STS: variants seen among roughly 807,000 people sequenced by gnomAD.
The protein encoded by STS is steroid sulfatase.
A neutral mutation model predicts 26.8 loss-of-function variants in STS; 7 were observed. The observed-to-expected ratio is 0.26, with a 90% CI of 0.15 to 0.49. The LOEUF (loss-of-function observed/expected upper bound fraction) is 0.49, where lower values mean the gene tolerates loss of function less well. STS is among the 20% of genes least tolerant of loss of function. STS has a pLI of 0.98. For synonymous variants in STS, 199 were observed against 189.4 expected (o/e 1.05, Z -0.42); for missense variants, 434 against 465.6 (o/e 0.93, Z 0.63).
At chrX:7,166,857 A>G (rs1933361207) in intron 1 of STS, among the ~76,000 whole-genome samples, 1 of 112,187 alleles carries the variant, frequency 8.9e-6, no homozygotes, top group Admixed American at 9.5e-5. Flanking sequence ...GACATGACCC[A>G]TAGCTACTAC....
At chrX:7,345,668 T>G (rs761922331) in intron 10 of STS, among the ~76,000 whole-genome samples, 2 of 111,326 alleles carry the variant, frequency 1.8e-5, no homozygotes, top group Non-Finnish European at 3.8e-5. Flanking sequence ...GATGGGCTTT[T>G]GTTCCATTCC....
chrX:7,344,119 AG>A (rs1375364701), intron 10 of STS, among the ~76,000 whole-genome samples: 12 of 112,072 alleles, frequency 1.1e-4, no homozygotes, highest in Non-Finnish European at 2.1e-4. Flanking sequence ...TAGCTCTCAG[AG>A]GGTTCATGTG....
rs748174656 is a variant in STS, at chrX:7,325,368, A to G, written c.1111A>G (p.Ile371Val). ...GGKANNWEGG[I>V]RVPGILRWPR... ...AAAAGCAAACAACTGGGAAGGAGGT[A>G]TCCGGGTTCCAGGCATCCTTCGTTG... Residue 371 changes from isoleucine to valine, a missense_variant, in exon 9 of 11, where the codon ATC (isoleucine) becomes GTC (valine). Coordinates refer to ENST00000674429, the MANE Select transcript of STS (RefSeq NM_001320752.2). 6.0e-5 allele frequency: 72 copies of G among 1,209,440 alleles called. No homozygotes were observed. The highest frequency in any genetic ancestry group is 2.3e-4 in the Middle Eastern group (1 of 4,371).
In STS at chrX:7,212,788, A is replaced by AAT. The variant is rs768699401; in HGVS notation, c.-5+21781_-5+21782dup. Reference sequence around the variant, plus strand: ...GTACTTTAGTGAATTTGCTTGATTAAATTGTAATAATGAAATTAAATTTTA... The same window carrying AAT: ...GTACTTTAGTGAATTTGCTTGATTAAATATTGTAATAATGAAATTAAATTTTA... On this transcript the variant is annotated intron_variant, in intron 2 of 10. Coordinates refer to ENST00000674429, the MANE Select transcript of STS (RefSeq NM_001320752.2). Among the ~76,000 whole-genome samples, 251 of 112,450 alleles carry AAT rather than the reference A, an allele frequency of 2.2e-3. 1 individual carries two copies. The highest frequency in any genetic ancestry group is 7.9e-3 in the African/African-American group (245 of 30,982).
At chrX:7,164,397 G>A (rs1488814267) in intron 1 of STS, among the ~76,000 whole-genome samples, 1 of 111,224 alleles carries the variant, frequency 9.0e-6, no homozygotes, top group Non-Finnish European at 1.9e-5. Context: ...GTGCTTCTGT[G>A]TGTCCTCGGA....
intron 9 of STS, among the ~76,000 whole-genome samples, chrX:7,329,256 A>G (rs1254580638): frequency 8.9e-6 from 1 of 112,208 alleles, no homozygotes; most frequent in East Asian, 2.8e-4. Context: ...CCCAGGGGTC[A>G]CTTATCAATG....
intron 1 of STS, among the ~76,000 whole-genome samples, chrX:7,165,880 T>C (rs1386294036): frequency 9.0e-6 from 1 of 111,443 alleles, no homozygotes; most frequent in African/African-American, 3.3e-5. Context: ...GGGGGTCAAA[T>C]TGGGCCCTGG....
intron 7 of STS, among the ~76,000 whole-genome samples, chrX:7,291,765 T>G (rs1457124564): frequency 8.9e-6 from 1 of 112,082 alleles, no homozygotes; most frequent in Non-Finnish European, 1.9e-5. Context: ...AAATTGTTAG[T>G]GAAAGAACAT....
At position 7,304,024 on chromosome X, in the gene STS, G is replaced by A. The variant is rs184377052; in HGVS notation, c.944-1022G>A. Among the ~76,000 whole-genome samples, 485 of 110,783 alleles carry A rather than the reference G, an allele frequency of 4.4e-3. 1 individual carries two copies. Among genetic ancestry groups the A allele is most frequent in the Admixed American group, 7.5e-3 (77 of 10,317 alleles). On this transcript the variant is annotated intron_variant, in intron 7 of 10. Coordinates refer to ENST00000674429, the MANE Select transcript of STS (RefSeq NM_001320752.2). ...TCCTCACCACCTCCATTTCATCTACGGGTATTTCAGGATATATCTCTACAA... is the reference window on the plus strand; with the variant it reads ...TCCTCACCACCTCCATTTCATCTACAGGTATTTCAGGATATATCTCTACAA...
At chrX:7,230,266 G>T (rs1318000862) in intron 2 of STS, among the ~76,000 whole-genome samples, 2 of 111,223 alleles carry the variant, frequency 1.8e-5, no homozygotes, top group East Asian at 5.6e-4. Flanking sequence ...AATGTGAAGT[G>T]GTTCAACCAC....
intron 7 of STS, among the ~76,000 whole-genome samples, 164 bp downstream of exon 7, chrX:7,276,251 G>C (rs1354489230): frequency 9.1e-6 from 1 of 110,379 alleles, no homozygotes; most frequent in Non-Finnish European, 1.9e-5. Flanking sequence ...AAGGTAAATA[G>C]AATACAAAAA....
rs773562540 is a variant in STS, at chrX:7,329,448, A to G, written c.1241+3950A>G. Among the ~76,000 whole-genome samples, 8 of 112,450 alleles carry G rather than the reference A, an allele frequency of 7.1e-5. No homozygotes were observed. The South Asian group carries it at 3.0e-3, about 42-fold the overall frequency. On this transcript the variant is annotated intron_variant, in intron 9 of 10. Transcript: ENST00000674429. Reference sequence around the variant, plus strand: ...AAATGTTGTTATAATGGAAAATCCCATCAAAACTTTTCAATAAAAGCATCT... The same window carrying G: ...AAATGTTGTTATAATGGAAAATCCCGTCAAAACTTTTCAATAAAAGCATCT...
chrX:7,236,733 A>C (rs1922327372), intron 2 of STS, among the ~76,000 whole-genome samples: 1 of 112,351 alleles, frequency 8.9e-6, no homozygotes, highest in Non-Finnish European at 1.9e-5. Flanking sequence ...TAAAGTATTT[A>C]AGTGTTTTTA....
At chrX:7,299,634 G>A (rs1925869497) in intron 7 of STS, among the ~76,000 whole-genome samples, 1 of 110,207 alleles carries the variant, frequency 9.1e-6, no homozygotes, top group South Asian at 3.7e-4. Flanking sequence ...AAGGCAAAGC[G>A]AAATGAACTA....
At chrX:7,320,377 A>G (rs969898714) in intron 8 of STS, among the ~76,000 whole-genome samples, 9 of 109,268 alleles carry the variant, frequency 8.2e-5, no homozygotes, top group Admixed American at 4.1e-4. Flanking sequence ...ATCAATACAC[A>G]ATGCCACGTT....
chrX:7,154,015 T>C (rs767986901), intron 1 of STS, among the ~76,000 whole-genome samples: 2 of 110,698 alleles, frequency 1.8e-5, no homozygotes, highest in African/African-American at 6.6e-5. Flanking sequence ...TTTCTTTCCC[T>C]CCTGACATTT....
At chrX:7,251,858 G>A (rs1391968762) in intron 2 of STS, among the ~76,000 whole-genome samples, 1 of 110,699 alleles carries the variant, frequency 9.0e-6, no homozygotes, top group African/African-American at 3.3e-5. Context: ...CTGCTCAGGA[G>A]GCTGAGATGG....
chrX:7,259,768 C>A lies in STS; in HGVS notation c.802C>A (p.Gln268Lys). The A allele has an allele frequency of 2.4e-5, 29 of 1,210,097 alleles. No individual in the cohort carries two copies. The highest frequency in any genetic ancestry group is 3.1e-5 in the Non-Finnish European group (28 of 895,232). ...RLTVEAAQFI[Q>K]RNTETPFLLV... ...AACGGTGGAGGCGGCCCAGTTCATA[C>A]AGCGGTGGGTATTGCCTTGTCCTCT... The change falls in exon 6 of 11, where the codon CAG (glutamine) becomes AAG (lysine). Residue 268 changes from glutamine (Q) to lysine (K), a missense_variant. Gln to Lys is a moderately conservative substitution (Grantham distance 53). Around this residue, in one of 2 missense-constraint regions of STS, gnomAD observed 229 missense variants for 288.3 expected, o/e 0.79. Coordinates refer to ENST00000674429, the MANE Select transcript of STS (RefSeq NM_001320752.2).
chrX:7,322,917 G>A (rs112067056), intron 8 of STS, among the ~76,000 whole-genome samples: 29 of 111,937 alleles, frequency 2.6e-4, no homozygotes, highest in African/African-American at 8.1e-4. Flanking sequence ...GTACCCTTTC[G>A]ATGCTGTATT....
Sources: allele counts gnomAD v4.1 joint callset (sites outside exome capture counted in the v4.1 genomes callset), GRCh38; gene constraint gnomAD v4.1.1; regional missense constraint gnomAD v4.1.1; transcripts MANE v1.5; gene names NCBI Gene and HGNC (gene_info 2026-07-23, HGNC 2026-07-21).